Variants in EPHB1 observed in about 807,000 individuals in gnomAD.
EPHB1 encodes the protein ephrin type-B receptor 1.
EPHB1 carries 30 observed loss-of-function variants against 94.4 expected under a neutral mutation model. The ratio of observed to expected loss-of-function variants is 0.32; its 90% CI spans 0.24 to 0.43. EPHB1 has a LOEUF of 0.43. Ranked by LOEUF, EPHB1 falls within the 20% of genes least tolerant of loss-of-function variation. EPHB1 has a pLI of 1.00. For missense variants in EPHB1, 1,055 were observed against 1,308.3 expected (o/e 0.81, Z 2.99); for synonymous variants, 522 against 489.1 (o/e 1.07, Z -0.89).
At chr3:135,169,762 C>G (rs1218869262) in intron 9 of EPHB1, among the ~76,000 whole-genome samples, 1 of 152,142 alleles carries the variant, frequency 6.6e-6, no homozygotes, top group African/African-American at 2.4e-5. Flanking sequence ...CACAACCACT[C>G]TAAGAGAAAG....
intron 4 of EPHB1, among the ~76,000 whole-genome samples, chr3:135,122,205 A>G (rs1384024655): frequency 6.6e-6 from 1 of 152,168 alleles, no homozygotes; most frequent in East Asian, 1.9e-4. Flanking sequence ...ACACAGATGG[A>G]TTGATCTGTC....
At chr3:134,845,363 C>T (rs1326782179) in intron 1 of EPHB1, among the ~76,000 whole-genome samples, 1 of 152,190 alleles carries the variant, frequency 6.6e-6, no homozygotes, top group Non-Finnish European at 1.5e-5. Flanking sequence ...ATTCAACCAG[C>T]TGTCCATCTA....
chr3:134,976,022 G>A (rs2107730882), intron 3 of EPHB1, among the ~76,000 whole-genome samples: 1 of 152,328 alleles, frequency 6.6e-6, no homozygotes, highest in African/African-American at 2.4e-5. Flanking sequence ...TTAACAGAAT[G>A]CAGAATGGAA....
chr3:134,889,819 C>T (rs929552273), intron 1 of EPHB1, among the ~76,000 whole-genome samples: 11 of 151,800 alleles, frequency 7.2e-5, no homozygotes, highest in South Asian at 2.1e-4. Flanking sequence ...CTGGGACTAC[C>T]GGTGCCCGCC....
At chr3:134,963,177 CCTTCCTT>C (rs1214760241) in intron 3 of EPHB1, among the ~76,000 whole-genome samples, 6 of 139,778 alleles carry the variant, frequency 4.3e-5, no homozygotes, top group African/African-American at 1.2e-4. Flanking sequence ...TTCCTTCCTT[CCTTCCTT>C]CTTCCTTCTT....
Position 135,249,362 on chromosome 3 carries a change from C to G in EPHB1, c.2717C>G (p.Ser906Cys). Residue 906 changes from serine (S) to cysteine (C), a missense_variant, in exon 15 of 16, where the codon TCC becomes TGC. Coordinates refer to ENST00000398015, the MANE Select transcript of EPHB1 (RefSeq NM_004441.5). ...CCTTCCCAGCCCCTGCTCGACCGCT[C>G]CATCCCAGACTTCACGGCCTTTACC... Reference protein sequence around the residue: ...AVPSQPLLDRSIPDFTAFTTV... With the variant: ...AVPSQPLLDRCIPDFTAFTTV... The G allele has an allele frequency of 6.2e-7, 1 of 1,613,724 alleles. No individual in the cohort carries two copies. Among genetic ancestry groups the G allele is most frequent in the Non-Finnish European group, 8.5e-7 (1 of 1,179,778 alleles).
chr3:134,911,372 G>A (rs952988345), intron 1 of EPHB1, among the ~76,000 whole-genome samples: 4 of 117,844 alleles, frequency 3.4e-5, no homozygotes, highest in Non-Finnish European at 6.5e-5. Context: ...TACATCTTCC[G>A]GGGAGGAGGG....
chr3:135,142,859 G>C (rs909760120), intron 5 of EPHB1, among the ~76,000 whole-genome samples: 1 of 152,160 alleles, frequency 6.6e-6, no homozygotes, highest in Non-Finnish European at 1.5e-5. Flanking sequence ...CGTGACGGTG[G>C]GAGGGAGCAT....
At chr3:135,172,353 G>A (rs1397332878) in intron 9 of EPHB1, among the ~76,000 whole-genome samples, 2 of 152,224 alleles carry the variant, frequency 1.3e-5, no homozygotes, top group Non-Finnish European at 2.9e-5. Context: ...CATTGTAAGT[G>A]CACTGCTTCC....
chr3:135,016,598 G>A (rs1041038357), intron 3 of EPHB1, among the ~76,000 whole-genome samples: 1 of 152,212 alleles, frequency 6.6e-6, no homozygotes, highest in African/African-American at 2.4e-5. Context: ...GGCAAGAAAT[G>A]CCAGTTGCCT....
chr3:135,127,213 C>A (rs1314468434), intron 4 of EPHB1, among the ~76,000 whole-genome samples: 1 of 152,146 alleles, frequency 6.6e-6, no homozygotes, highest in African/African-American at 2.4e-5. Context: ...GACTAAGAAC[C>A]CCCTCAGAGT....
intron 3 of EPHB1, among the ~76,000 whole-genome samples, chr3:135,012,762 A>G (rs1437525739): frequency 6.6e-6 from 1 of 152,184 alleles, no homozygotes; most frequent in African/African-American, 2.4e-5. Context: ...GGATCCCCCA[A>G]GCCAACTCCC....
chr3:134,957,651 T>C (rs1357129907), intron 3 of EPHB1, among the ~76,000 whole-genome samples: 1 of 152,172 alleles, frequency 6.6e-6, no homozygotes, highest in Non-Finnish European at 1.5e-5. Context: ...AGCTGAAGAC[T>C]GACTGTCTGG....
chr3:134,965,910 T>C (rs958423841), intron 3 of EPHB1, among the ~76,000 whole-genome samples: 7 of 152,320 alleles, frequency 4.6e-5, no homozygotes, highest in Non-Finnish European at 8.8e-5. Flanking sequence ...TCCCAGGGGT[T>C]GGTGGCCTTG....
chr3:134,995,603 A>G (rs1204237149), intron 3 of EPHB1, among the ~76,000 whole-genome samples: 1 of 152,218 alleles, frequency 6.6e-6, no homozygotes, highest in Non-Finnish European at 1.5e-5. Context: ...ATGATATATC[A>G]CTACACAGCA....
chr3:134,866,930 C>A (rs2037392401), intron 1 of EPHB1, among the ~76,000 whole-genome samples: 1 of 152,198 alleles, frequency 6.6e-6, no homozygotes, highest in South Asian at 2.1e-4. Flanking sequence ...AGAAAATCAA[C>A]CTCAGAAGGC....
chr3:135,183,039 TTTCTTTCTTTCTTTCTTTCTTTC>T (rs1942212926), intron 10 of EPHB1, among the ~76,000 whole-genome samples: 1 of 89,568 alleles, frequency 1.1e-5, no homozygotes, highest in East Asian at 3.4e-4. Context: ...TCTTTCTTTC[TTTCTTTCTTTCTTTCTTTCTTTC>T]TTTCTTTCTT....
At chr3:134,849,579 T>G (rs753877271) in intron 1 of EPHB1, among the ~76,000 whole-genome samples, 4 of 152,142 alleles carry the variant, frequency 2.6e-5, no homozygotes, top group Non-Finnish European at 5.9e-5. Flanking sequence ...GAGCCTGTAG[T>G]TGGAGATGGG....
intron 5 of EPHB1, among the ~76,000 whole-genome samples, chr3:135,150,303 G>A (rs890400770): frequency 5.9e-5 from 9 of 152,230 alleles, no homozygotes; most frequent in Admixed American, 5.2e-4. Flanking sequence ...GAGAGTCACA[G>A]CGTGCAGTGG....
Sources: gnomAD v4.1 joint callset for allele counts (sites outside exome capture counted in the v4.1 genomes callset) on GRCh38, gnomAD v4.1.1 for gene constraint, MANE v1.5 for transcripts, NCBI Gene and HGNC (gene_info 2026-07-23, HGNC 2026-07-21) for gene names.